ACTR3C: variants seen among roughly 807,000 people sequenced by gnomAD.
The protein encoded by ACTR3C is actin-related protein 3C.
Under a neutral mutation model 26.3 loss-of-function variants are expected in ACTR3C, and 18 were observed. That is an observed-to-expected ratio of 0.68 (90% CI 0.47 to 1.01). The LOEUF (loss-of-function observed/expected upper bound fraction) is 1.01. Among genes scored for constraint, ACTR3C ranks in the 50% least tolerant of loss-of-function variants. The probability of loss-of-function intolerance (pLI) is 0.00; values close to 1 mark genes in which losing one functional copy is unlikely to be tolerated. For missense variants in ACTR3C, 184 were observed against 250.7 expected, an observed-to-expected ratio of 0.73 and a Z score of 1.80; for synonymous variants, 55 against 94.5, an observed-to-expected ratio of 0.58 and a Z score of 2.42.
At chr7:150,301,440 T>C (rs1339473997) in intron 1 of ACTR3C, among the ~76,000 whole-genome samples, 1 of 152,210 alleles carries the variant, frequency 6.6e-6, no homozygotes, top group Non-Finnish European at 1.5e-5. Flanking sequence ...CAGTGTGAAA[T>C]GATGATCCAA....
At chr7:149,884,572 A>G in the ACTR3C span, among the ~76,000 whole-genome samples, 1 of 151,630 alleles carries the variant, frequency 6.6e-6, no homozygotes, top group East Asian at 1.9e-4. Context: ...ATATACCTAC[A>G]TGTATGCAAT....
the ACTR3C span, among the ~76,000 whole-genome samples, chr7:150,158,920 CA>C: frequency 6.7e-6 from 1 of 148,158 alleles, no homozygotes; most frequent in African/African-American, 2.6e-5. Flanking sequence ...CACACACGTG[CA>C]CACACATGTG....
the ACTR3C span, among the ~76,000 whole-genome samples, chr7:150,167,041 TTCTC>T: frequency 6.8e-6 from 1 of 147,922 alleles, no homozygotes. Flanking sequence ...TATATGGTAT[TTCTC>T]TATCCATTCA....
At chr7:149,944,318 T>A in the ACTR3C span, among the ~76,000 whole-genome samples, 1 of 152,018 alleles carries the variant, frequency 6.6e-6, no homozygotes, top group Non-Finnish European at 1.5e-5. Context: ...CTCCTGATAA[T>A]GTTCTAATCC....
the ACTR3C span, among the ~76,000 whole-genome samples, chr7:150,061,358 G>A: frequency 2.6e-5 from 4 of 151,274 alleles, no homozygotes; most frequent in Admixed American, 6.6e-5. Context: ...CAGATTCATC[G>A]TCCAAGAAAA....
chr7:149,907,478 T>TCTCTCTCTCTCTCTCTCTC, the ACTR3C span, among the ~76,000 whole-genome samples: 10 of 97,684 alleles, frequency 1.0e-4, no homozygotes, highest in African/African-American at 2.1e-4. Flanking sequence ...CTCTCTTCTC[T>TCTCTCTCTCTCTCTCTCTC]TCTCTCTCTC....
intron 6 of ACTR3C, among the ~76,000 whole-genome samples, chr7:150,258,016 G>T (rs573486734): frequency 6.6e-6 from 1 of 152,300 alleles, no homozygotes; most frequent in Non-Finnish European, 1.5e-5. Flanking sequence ...CGACCAAGGG[G>T]GTGTGGCCCA....
chr7:150,191,160 C>T, the ACTR3C span, among the ~76,000 whole-genome samples: 100 of 152,184 alleles, frequency 6.6e-4, no homozygotes, highest in Non-Finnish European at 9.7e-4. Context: ...TATGAGTATC[C>T]CCATTATGTT....
At chr7:150,102,896 C>T in the ACTR3C span, among the ~76,000 whole-genome samples, 1 of 152,160 alleles carries the variant, frequency 6.6e-6, no homozygotes, top group Admixed American at 6.6e-5. Flanking sequence ...TGCTATAACC[C>T]CAGCACCCGA....
the ACTR3C span, among the ~76,000 whole-genome samples, chr7:149,923,861 G>A: frequency 3.4e-4 from 52 of 151,926 alleles, no homozygotes; most frequent in Non-Finnish European, 5.2e-4. Context: ...AGCCAGGCAT[G>A]GTGGTGGGTG....
chr7:150,158,065 CG>C, the ACTR3C span, among the ~76,000 whole-genome samples: 1 of 152,046 alleles, frequency 6.6e-6, no homozygotes, highest in African/African-American at 2.4e-5. Flanking sequence ...AGAAGACATA[CG>C]GAGATGCAAC....
chr7:150,065,373 G>A, the ACTR3C span, among the ~76,000 whole-genome samples: 3 of 152,200 alleles, frequency 2.0e-5, no homozygotes, highest in Non-Finnish European at 2.9e-5. Flanking sequence ...ATTATAGAGT[G>A]TAACTTATTC....
At chr7:149,946,928 T>C in the ACTR3C span, among the ~76,000 whole-genome samples, 11 of 150,986 alleles carry the variant, frequency 7.3e-5, no homozygotes, top group Admixed American at 5.3e-4. Flanking sequence ...ATTGTAACAA[T>C]GAGAAAAAAA....
the ACTR3C span, among the ~76,000 whole-genome samples, chr7:149,961,146 G>A: frequency 6.6e-6 from 1 of 151,860 alleles, no homozygotes; most frequent in Non-Finnish European, 1.5e-5. Flanking sequence ...CAGATAGGAA[G>A]TGTGTGCTCA....
the ACTR3C span, among the ~76,000 whole-genome samples, chr7:149,995,713 A>G: frequency 2.6e-3 from 381 of 148,786 alleles, no homozygotes; most frequent in African/African-American, 9.3e-3. Context: ...TCAGTTAGAT[A>G]CAAAGACCTG....
chr7:149,912,409 G>A, the ACTR3C span, among the ~76,000 whole-genome samples: 1 of 151,614 alleles, frequency 6.6e-6, no homozygotes, highest in Non-Finnish European at 1.5e-5. Context: ...TTGGAAGGAG[G>A]TCTCTGTCAA....
intron 1 of ACTR3C, among the ~76,000 whole-genome samples, chr7:150,318,505 T>C (rs1797165091): frequency 6.6e-6 from 1 of 152,244 alleles, no homozygotes; most frequent in Non-Finnish European, 1.5e-5. Flanking sequence ...GGCTCACGCC[T>C]GTAATCCCAG....
chr7:149,909,252 C>T, the ACTR3C span, among the ~76,000 whole-genome samples: 1 of 82,124 alleles, frequency 1.2e-5, no homozygotes, highest in African/African-American at 5.3e-5. Context: ...GTCATCAGGC[C>T]TATCATTTCC....
At chr7:150,111,768 G>A in the ACTR3C span, among the ~76,000 whole-genome samples, 1 of 135,048 alleles carries the variant, frequency 7.4e-6, no homozygotes, top group Non-Finnish European at 1.6e-5. Flanking sequence ...TCTGGGAAAG[G>A]GCAGGGGAAG....
Sources: gnomAD v4.1 joint callset for allele counts (sites outside exome capture counted in the v4.1 genomes callset) on GRCh38, gnomAD v4.1.1 for gene constraint, MANE v1.5 for transcripts, NCBI Gene and HGNC (gene_info 2026-07-23, HGNC 2026-07-21) for gene names.